Variants in NPAT observed in about 807,000 individuals in gnomAD.
The protein encoded by NPAT is protein NPAT.
A neutral mutation model predicts 130.7 loss-of-function variants in NPAT; 52 were observed. That is an observed-to-expected ratio of 0.40 (90% CI 0.32 to 0.50). The LOEUF is 0.50. Ranked by LOEUF, NPAT falls within the 20% of genes least tolerant of loss-of-function variation. NPAT has a pLI of 0.68. For synonymous variants in NPAT, 580 were observed against 584.8 expected (o/e 0.99, Z 0.12); for missense variants, 1,687 against 1,662.6 (o/e 1.01, Z -0.26).
At chr11:108,207,859 G>A (rs2078344020) in intron 1 of NPAT, among the ~76,000 whole-genome samples, 1 of 152,220 alleles carries the variant, frequency 6.6e-6, no homozygotes, top group Non-Finnish European at 1.5e-5. Flanking sequence ...GCCCTGTGGA[G>A]CACACAGCCC....
chr11:108,205,441 T>G (rs778119932), intron 1 of NPAT, among the ~76,000 whole-genome samples: 1 of 151,874 alleles, frequency 6.6e-6, no homozygotes, highest in Non-Finnish European at 1.5e-5. Flanking sequence ...AATGAAAAAA[T>G]TTTTAATAGA....
In NPAT at chr11:108,203,049, G is replaced by A. The variant is rs540633029; in HGVS notation, c.38-5629C>T. Among the ~76,000 whole-genome samples, 109 of 152,236 alleles carry A rather than the reference G, an allele frequency of 7.2e-4. 1 individual carries two copies. Among genetic ancestry groups the A allele is most frequent in the African/African-American group, 2.5e-3 (103 of 41,548 alleles). ...ATCTTCAGGAAAGGGAGAAAAGACA[G>A]ATGATATTATCAAAAGGTACCGCAG... On this transcript the variant is annotated intron_variant, in intron 1 of 17. Transcript: ENST00000278612.
At chr11:108,168,515 T>A (rs1268953101) in intron 15 of NPAT, among the ~76,000 whole-genome samples, 1 of 152,204 alleles carries the variant, frequency 6.6e-6, no homozygotes, top group Non-Finnish European at 1.5e-5. Context: ...GCTGATTTGA[T>A]AGCAGTTAGT....
intron 15 of NPAT, among the ~76,000 whole-genome samples, chr11:108,165,773 A>G (rs555919823): frequency 4.5e-4 from 69 of 151,946 alleles, no homozygotes; most frequent in African/African-American, 1.6e-3. Flanking sequence ...AGCTGGGACT[A>G]CAGGCACCCA....
intron 1 of NPAT, among the ~76,000 whole-genome samples, chr11:108,201,299 AG>A (rs1316416537): frequency 6.6e-6 from 1 of 152,212 alleles, no homozygotes; most frequent in Admixed American, 6.5e-5. Context: ...TGGGGATTAC[AG>A]GACTATGGAT....
At chr11:108,165,845 G>A (rs1454790674) in intron 15 of NPAT, among the ~76,000 whole-genome samples, 4 of 151,792 alleles carry the variant, frequency 2.6e-5, no homozygotes, top group Non-Finnish European at 4.4e-5. Flanking sequence ...GTATCAGCCA[G>A]GATGGTCCCG....
rs780092648 is a variant in NPAT at position 108,222,554 on chromosome 11, G to A, written c.-18C>T. 2 of 1,613,576 alleles carry A rather than the reference G, an allele frequency of 1.2e-6. No individual in the cohort carries two copies. The highest frequency in any genetic ancestry group is 1.3e-5 in the African/African-American group (1 of 74,910). ...AACAACATGATCAAAACCACAGCAG[G>A]AACCACAATAAGGAACAAGACTCAG... On this transcript the variant is annotated 5_prime_UTR_variant, in exon 1 of 18. Transcript: ENST00000278612.
At chr11:108,165,577 A>G (rs1047453754) in intron 15 of NPAT, among the ~76,000 whole-genome samples, 1 of 144,922 alleles carries the variant, frequency 6.9e-6, no homozygotes, top group African/African-American at 2.6e-5. Flanking sequence ...TGATCCTCCC[A>G]CCTCAGCATC....
Position 108,173,503 on chromosome 11 carries a change from A to G in NPAT, c.1481T>C (p.Val494Ala), listed in dbSNP as rs1238655442. 8 of 1,614,198 alleles carry G rather than the reference A, an allele frequency of 5.0e-6. No individual in the cohort carries two copies. The highest frequency in any genetic ancestry group is 6.8e-6 in the Non-Finnish European group (8 of 1,180,008). The change falls in exon 13 of 18, where the codon GTA becomes GCA. Residue 494 changes from valine to alanine, a missense_variant. Physicochemically the swap from Val to Ala is moderately conservative, Grantham distance 64. Coordinates refer to ENST00000278612, the MANE Select transcript of NPAT (RefSeq NM_002519.3). Reference sequence around the variant, plus strand: ...AGGCTGTAACTGAGATTCACTCGGTACATTTGAAGACAAAGAGTTCTTTTC... The same window carrying G: ...AGGCTGTAACTGAGATTCACTCGGTGCATTTGAAGACAAAGAGTTCTTTTC... ...GIEKNSLSSN[V>A]PSESQLQPDQ...
At chr11:108,200,704 T>C (rs1247990033) in intron 1 of NPAT, among the ~76,000 whole-genome samples, 1 of 152,126 alleles carries the variant, frequency 6.6e-6, no homozygotes, top group Non-Finnish European at 1.5e-5. Context: ...ACAGCCCTTG[T>C]AATACTCTGA....
chr11:108,176,520 T>C (rs916574453), intron 11 of NPAT, 146 bp from the exon 12 acceptor site: 6 of 655,730 alleles, frequency 9.2e-6, no homozygotes, highest in Non-Finnish European at 1.6e-5. Context: ...TAATATCATT[T>C]ACAAGTACAA....
intron 17 of NPAT, 143 bp from the exon 18 acceptor site, chr11:108,159,162 T>G: frequency 3.4e-6 from 2 of 596,048 alleles, no homozygotes; most frequent in Non-Finnish European, 3.0e-6. Context: ...TTTACTTCTA[T>G]AGAGAAGTAG....
intron 3 of NPAT, among the ~76,000 whole-genome samples, chr11:108,193,516 G>A (rs1377303255): frequency 1.3e-5 from 2 of 151,926 alleles, no homozygotes; most frequent in African/African-American, 2.4e-5. Context: ...ACCTGAGGTC[G>A]GGAGTTCGAG....
At chr11:108,162,754 C>A (rs1299687972) in intron 15 of NPAT, among the ~76,000 whole-genome samples, 1 of 152,186 alleles carries the variant, frequency 6.6e-6, no homozygotes, top group African/African-American at 2.4e-5. Flanking sequence ...TAAATCCAGT[C>A]TTTGGATCTA....
chr11:108,216,910 A>G (rs1565330831), intron 1 of NPAT, among the ~76,000 whole-genome samples: 1 of 152,228 alleles, frequency 6.6e-6, no homozygotes, highest in African/African-American at 2.4e-5. Context: ...GTTCCAAAAT[A>G]ATGTAGTAAA....
intron 1 of NPAT, among the ~76,000 whole-genome samples, chr11:108,206,317 C>T (rs753360989): frequency 8.5e-5 from 13 of 152,166 alleles, no homozygotes; most frequent in Non-Finnish European, 1.8e-4. Context: ...GTTCCGCCCA[C>T]TTGGCCAAGC....
In NPAT at chr11:108,186,547, T is replaced by C. The variant is rs769219700; in HGVS notation, c.661A>G (p.Thr221Ala). The C allele has an allele frequency of 1.9e-6, 3 of 1,613,996 alleles. No individual in the cohort carries two copies. Among genetic ancestry groups the C allele is most frequent in the Middle Eastern group, 1.7e-4 (1 of 6,060 alleles). ...ATTGTTGAATGAGGGCCAGACAAAG[T>C]GGTACTTTTTCTCTGAGATTCACTG... ...RKSESQRKST[T>A]LSGPHSTIRN... is the part of the protein sequence containing the mutation. The change falls in exon 8 of 18, where the codon ACT (threonine) becomes GCT (alanine). Residue 221 changes from threonine to alanine, a missense_variant. Around this residue, in one of 3 missense-constraint regions of NPAT, gnomAD observed 307 missense variants for 298.9 expected, o/e 1.03. Coordinates refer to ENST00000278612, the MANE Select transcript of NPAT (RefSeq NM_002519.3).
chr11:108,194,369 T>C (rs963568122), intron 2 of NPAT, among the ~76,000 whole-genome samples: 1 of 152,218 alleles, frequency 6.6e-6, no homozygotes, highest in Non-Finnish European at 1.5e-5. Context: ...GTCATACCAA[T>C]ATCTCAGACT....
At chr11:108,212,945 CAAAAAAAAAAAA>C (rs34466178) in intron 1 of NPAT, among the ~76,000 whole-genome samples, 899 of 36,526 alleles carry the variant, frequency 0.025, 11 homozygotes, top group Admixed American at 0.045. Flanking sequence ...GACTCTGTCT[CAAAAAAAAAAAA>C]AAAAAAAAAA....
Sources: allele counts gnomAD v4.1 joint callset (sites outside exome capture counted in the v4.1 genomes callset), GRCh38; gene constraint gnomAD v4.1.1; regional missense constraint gnomAD v4.1.1; transcripts MANE v1.5; gene names NCBI Gene and HGNC (gene_info 2026-07-23, HGNC 2026-07-21).